The following CEP162 variants were observed in gnomAD, a reference collection of about 807,000 sequenced individuals.
The protein encoded by CEP162 is centrosomal protein of 162 kDa.
CEP162 carries 141 observed loss-of-function variants against 169.2 expected under a neutral mutation model. The ratio of observed to expected loss-of-function variants is 0.83; its 90% CI spans 0.73 to 0.96. CEP162 has a LOEUF of 0.96. Ranked by LOEUF, CEP162 falls within the 40% of genes least tolerant of loss-of-function variation. CEP162 has a pLI of 0.00. For missense variants in CEP162, 1,600 were observed against 1,587.2 expected (o/e 1.01, Z -0.14); for synonymous variants, 540 against 526.4 (o/e 1.03, Z -0.35).
intron 12 of CEP162, 77 bp downstream of exon 12, chr6:84,186,255 A>C: frequency 2.6e-6 from 2 of 777,326 alleles, no homozygotes; most frequent in South Asian, 3.7e-5. Flanking sequence ...AAAAGCACAC[A>C]CCTACCAATA....
chr6:84,160,899 A>G lies in CEP162; in HGVS notation c.2694T>C (p.Ala898=), dbSNP rs140327735. 128 of 1,610,690 alleles carry G rather than the reference A, an allele frequency of 7.9e-5. No individual in the cohort carries two copies. The African/African-American group carries it at 1.4e-3, about 18-fold the overall frequency. Residue 898 remains alanine, a synonymous_variant, in exon 21 of 27, where the codon GCT becomes GCC. Transcript: ENST00000403245. ...GCCGAATAGATGGATTCCCAGATTC[A>G]GCTTTCAGTTTCTCAATCTGTCAAT... ...KLKLEIEKLK[A]ESGNPSIRQK...
At chr6:84,206,300 T>C (rs903283852) in intron 6 of CEP162, among the ~76,000 whole-genome samples, 1 of 150,046 alleles carries the variant, frequency 6.7e-6, no homozygotes, top group African/African-American at 2.5e-5. Context: ...GGAGGCATCA[T>C]GCTACCTGAC....
chr6:84,183,894 C>T (rs1190683950), intron 13 of CEP162, among the ~76,000 whole-genome samples: 2 of 152,066 alleles, frequency 1.3e-5, no homozygotes, highest in Non-Finnish European at 2.9e-5. Context: ...ATGGCTACTT[C>T]GTATCTTCTC....
At position 84,149,636 on chromosome 6, in the gene CEP162, G is replaced by A; in HGVS notation, c.3697C>T (p.Leu1233Phe). The change falls in exon 24 of 27, where the codon CTC (leucine) becomes TTC (phenylalanine). Residue 1233 changes from leucine to phenylalanine, a missense_variant. Transcript: ENST00000403245. Reference sequence around the variant, plus strand: ...TTTTCTACTGCATTTTGGCAAAGGAGTTTCTCTATTTCTCTCTGATGAGAT... The same window carrying A: ...TTTTCTACTGCATTTTGGCAAAGGAATTTCTCTATTTCTCTCTGATGAGAT... ...KASHQREIEK[L>F]LCQNAVENSS... is the part of the protein sequence containing the mutation. The A allele has an allele frequency of 2.5e-6, 4 of 1,604,952 alleles. No individual in the cohort carries two copies. The highest frequency in any genetic ancestry group is 1.1e-5 in the South Asian group (1 of 89,980).
At chr6:84,162,639 G>A (rs1022597312) in intron 19 of CEP162, among the ~76,000 whole-genome samples, 2 of 152,006 alleles carry the variant, frequency 1.3e-5, no homozygotes, top group African/African-American at 2.4e-5. Flanking sequence ...ACTCTGCCAC[G>A]AAACCCTCAT....
intron 25 of CEP162, among the ~76,000 whole-genome samples, chr6:84,145,723 T>C (rs953643595): frequency 6.6e-6 from 1 of 152,090 alleles, no homozygotes; most frequent in Non-Finnish European, 1.5e-5. Flanking sequence ...AAGCTGAAGC[T>C]GAATGACTTG....
intron 2 of CEP162, among the ~76,000 whole-genome samples, chr6:84,222,023 A>G (rs1262614049): frequency 6.6e-6 from 1 of 151,956 alleles, no homozygotes; most frequent in African/African-American, 2.4e-5. Context: ...ACAATTGCGG[A>G]ATGAAAAAAT....
intron 17 of CEP162, among the ~76,000 whole-genome samples, chr6:84,171,171 A>G (rs2099529963): frequency 6.6e-6 from 1 of 152,146 alleles, no homozygotes; most frequent in Admixed American, 6.6e-5. Context: ...TCATCTCCAC[A>G]AGGACCTCCA....
chr6:84,194,864 A>G lies in CEP162; in HGVS notation c.1027+20T>C, dbSNP rs1371464625. Reference sequence around the variant, plus strand: ...AGAAAGGATATCAAATAATTGAAAAATTCATCTGTAAGTTTTTACCAGATT... The same window carrying G: ...AGAAAGGATATCAAATAATTGAAAAGTTCATCTGTAAGTTTTTACCAGATT... On this transcript the variant is annotated intron_variant, in intron 10 of 26. Coordinates refer to ENST00000403245, the MANE Select transcript of CEP162 (RefSeq NM_014895.4). 1 of 1,523,946 alleles carries G rather than the reference A, an allele frequency of 6.6e-7. No individual in the cohort carries two copies. Among genetic ancestry groups the G allele is most frequent in the Middle Eastern group, 1.7e-4 (1 of 5,856 alleles). The allele number at this position is 1,523,946 out of a possible 1,614,324, so 94.4% of individuals were successfully genotyped here.
intron 18 of CEP162, among the ~76,000 whole-genome samples, chr6:84,163,899 T>A (rs2099526735): frequency 6.6e-6 from 1 of 151,164 alleles, no homozygotes; most frequent in Non-Finnish European, 1.5e-5. Context: ...AAAGAAACTA[T>A]CGTCAGAGTG....
intron 2 of CEP162, among the ~76,000 whole-genome samples, chr6:84,224,726 TAA>T (rs1214338473): frequency 1.3e-5 from 2 of 151,702 alleles, no homozygotes; most frequent in African/African-American, 4.8e-5. Flanking sequence ...AGGATGGATA[TAA>T]GAGGAAGAGA....
At position 84,155,380 on chromosome 6, in the gene CEP162, T is replaced by C. The variant is rs115141242; in HGVS notation, c.2912A>G (p.Lys971Arg). 8 of 1,613,546 alleles carry C rather than the reference T, an allele frequency of 5.0e-6. No individual in the cohort carries two copies. In the African/African-American group the frequency reaches 9.3e-5, roughly 19 times the overall value. The change falls in exon 22 of 27, where the codon AAG (lysine) becomes AGG (arginine). Residue 971 changes from lysine to arginine, a missense_variant. Coordinates refer to ENST00000403245, the MANE Select transcript of CEP162 (RefSeq NM_014895.4). ...TVEFMEKRIK[K>R]LEADLEGKDE... ...TTTGCCCTCCAGATCAGCTTCTAGCTTTTTTATCCTTTTCTCCATAAATTC... is the reference window on the plus strand; with the variant it reads ...TTTGCCCTCCAGATCAGCTTCTAGCCTTTTTATCCTTTTCTCCATAAATTC...
At position 84,171,770 on chromosome 6, in the gene CEP162, T is replaced by G. The variant is rs1446070181; in HGVS notation, c.2167-52A>C. The G allele has an allele frequency of 1.1e-5, 8 of 701,284 alleles. No individual in the cohort carries two copies. The African/African-American group carries it at 1.5e-4, about 13-fold the overall frequency. The allele number at this position is 701,284 out of a possible 1,614,324, so 43.4% of individuals were successfully genotyped here. ...TAGTTAAAAGTCATTAGTACTTATA[T>G]AACATAATATATGTGCTCATAATAG... On this transcript the variant is annotated intron_variant, in intron 16 of 26. Transcript: ENST00000403245.
intron 18 of CEP162, among the ~76,000 whole-genome samples, chr6:84,164,211 A>G (rs1384577724): frequency 1.3e-5 from 2 of 152,184 alleles, no homozygotes; most frequent in Non-Finnish European, 2.9e-5. Context: ...AGATGCTGGC[A>G]AGGATGCGGA....
In CEP162 at chr6:84,189,802, G is replaced by A. The variant is rs568366882; in HGVS notation, c.1110-3179C>T. On this transcript the variant is annotated intron_variant, in intron 11 of 26. Coordinates refer to ENST00000403245, the MANE Select transcript of CEP162 (RefSeq NM_014895.4). ...GCAGCTCCACCTGCAGCCCCGGTGC[G>A]GGATCCACTAGGTGAAGCCAGCTGG... Among the ~76,000 whole-genome samples the A allele has an allele frequency of 3.6e-3, 547 of 152,356 alleles. 3 individuals are homozygous for A. The highest frequency in any genetic ancestry group is 0.012 in the African/African-American group (495 of 41,590).
intron 25 of CEP162, among the ~76,000 whole-genome samples, chr6:84,139,203 C>T (rs532745622): frequency 2.0e-3 from 310 of 152,264 alleles, no homozygotes; most frequent in African/African-American, 7.3e-3. Context: ...CTTATTAGCC[C>T]AGAGATGGCA....
intron 12 of CEP162, 94 bp downstream of exon 12, chr6:84,186,238 T>C: frequency 1.5e-6 from 1 of 678,304 alleles, no homozygotes; most frequent in Admixed American, 2.8e-5. Context: ...TCAATCCCAC[T>C]AGTTTAAAAA....
At chr6:84,154,330 A>ATCTATCTG (rs1554165755) in intron 22 of CEP162, among the ~76,000 whole-genome samples, 1,772 of 149,392 alleles carry the variant, frequency 0.012, 29 homozygotes, top group African/African-American at 0.041. Context: ...CTATCTATCT[A>ATCTATCTG]TCTGTCTGTC....
intron 19 of CEP162, among the ~76,000 whole-genome samples, chr6:84,162,811 C>T (rs532150536): frequency 6.6e-6 from 1 of 152,244 alleles, no homozygotes; most frequent in African/African-American, 2.4e-5. Context: ...GGCAAATACA[C>T]AACAGCCTAC....
Sources: allele counts gnomAD v4.1 joint callset (sites outside exome capture counted in the v4.1 genomes callset), GRCh38; gene constraint gnomAD v4.1.1; transcripts MANE v1.5; gene names NCBI Gene and HGNC (gene_info 2026-07-23, HGNC 2026-07-21).